The following MPP3 variants were observed in gnomAD, a reference collection of about 807,000 sequenced individuals.
MPP3 encodes MAGUK p55 subfamily member 3.
MPP3 carries 48 observed loss-of-function variants against 80.7 expected under a neutral mutation model. That is an observed-to-expected ratio of 0.59 (90% CI 0.47 to 0.76). The LOEUF (loss-of-function observed/expected upper bound fraction) is 0.76, where lower values mean the gene tolerates loss of function less well. Among genes scored for constraint, MPP3 ranks in the 30% least tolerant of loss-of-function variants. The pLI is 0.00. For synonymous variants in MPP3, 311 were observed against 297.6 expected, an observed-to-expected ratio of 1.04 and a Z score of -0.46; for missense variants, 620 against 763.0, an observed-to-expected ratio of 0.81 and a Z score of 2.21.
chr17:43,809,677 A>C (rs1180091451), intron 18 of MPP3, among the ~76,000 whole-genome samples: 1 of 152,162 alleles, frequency 6.6e-6, no homozygotes, highest in East Asian at 1.9e-4. Flanking sequence ...CAGGAGATCA[A>C]GACCATCCTG....
At chr17:43,828,770 GC>G (rs1206639530) in intron 7 of MPP3, among the ~76,000 whole-genome samples, 1 of 152,204 alleles carries the variant, frequency 6.6e-6, no homozygotes, top group Admixed American at 6.5e-5. Flanking sequence ...AGGACTTCTA[GC>G]CCCCCAGAAC....
intron 2 of MPP3, chr17:43,832,166 T>G (rs1009153410): frequency 1.9e-6 from 1 of 539,008 alleles, no homozygotes; most frequent in Non-Finnish European, 3.2e-6. Flanking sequence ...ATGATAAACT[T>G]TTTGTCTGCA....
intron 10 of MPP3, among the ~76,000 whole-genome samples, chr17:43,821,750 A>G (rs541149906): frequency 6.6e-6 from 1 of 152,030 alleles, no homozygotes; most frequent in Non-Finnish European, 1.5e-5. Flanking sequence ...ATTTATTTCT[A>G]TTTTCAGACC....
At chr17:43,815,624 CA>C in intron 14 of MPP3, 6 of 309,846 alleles carry the variant, frequency 1.9e-5, no homozygotes, top group East Asian at 1.2e-4. Context: ...AACCAAAAAA[CA>C]AAAAAAACTT....
intron 16 of MPP3, 70 bp from the exon 17 acceptor site, chr17:43,811,275 T>C (rs2044846070): frequency 2.4e-6 from 3 of 1,234,628 alleles, no homozygotes; most frequent in Non-Finnish European, 3.6e-6. Context: ...GCAGCAGGCT[T>C]AGGCACTCAT....
intron 5 of MPP3, among the ~76,000 whole-genome samples, chr17:43,830,363 G>A (rs370329620): frequency 2.6e-5 from 4 of 152,178 alleles, no homozygotes; most frequent in East Asian, 1.9e-4. Flanking sequence ...CTGAACCCTC[G>A]CAACCAACTT....
At chr17:43,831,734 C>T (rs1339042056) in intron 3 of MPP3, 57 bp from the exon 4 acceptor site, 5 of 1,472,482 alleles carry the variant, frequency 3.4e-6, no homozygotes, top group South Asian at 2.4e-5. Context: ...TCCCTGCCCC[C>T]GAGGAGCCCG....
chr17:43,826,992 G>A (rs72836549), intron 8 of MPP3, among the ~76,000 whole-genome samples: 1 of 150,540 alleles, frequency 6.6e-6, no homozygotes. Context: ...TGGGCCACCC[G>A]TGCATGGCCT....
In MPP3 at chr17:43,801,831, C is replaced by T. The variant is rs574639263; in HGVS notation, c.1628G>A (p.Arg543Gln). ...GGCGTCTACCAGGTGCCCGTAATGC[C>T]GGTCTATGAAGGCGGCAGAAGCGGC... is the stretch of plus-strand genomic sequence containing the variant. Reference protein sequence around the residue: ...EMAASAAFIDRHYGHLVDAVL... With the variant: ...EMAASAAFIDQHYGHLVDAVL... Residue 543 changes from arginine (R) to glutamine (Q), a missense_variant, in exon 20 of 20, where the codon CGG becomes CAG. Coordinates refer to ENST00000398389, the MANE Select transcript of MPP3 (RefSeq NM_001932.6). 7.7e-5 allele frequency: 124 copies of T among 1,613,926 alleles called. No individual in the cohort carries two copies. In the South Asian group the frequency reaches 8.1e-4, roughly 11 times the overall value.
rs1432965683 is a variant in MPP3, at chr17:43,814,359, C to G, written c.1012G>C (p.Gly338Arg). The G allele has an allele frequency of 1.3e-6, 2 of 1,599,630 alleles. No homozygotes were observed. Among genetic ancestry groups the G allele is most frequent in the Admixed American group, 3.4e-5 (2 of 59,090 alleles). ...CCCAGCCGGAAGCTCCTCCGAAGAC[C>G]AGCTTGGGAGGAGGGGCAGAGGGAC... is the stretch of plus-strand genomic sequence containing the variant. ...EGYLKGHYVA[G>R]LRRSFRLGCR... is the part of the protein sequence containing the mutation. Residue 338 changes from glycine (G) to arginine (R), a missense_variant and splice_region_variant, in exon 15 of 20, where the codon GGT becomes CGT. Gly to Arg is a moderately radical substitution (Grantham distance 125). Coordinates refer to ENST00000398389, the MANE Select transcript of MPP3 (RefSeq NM_001932.6).
chr17:43,803,296 A>G (rs897541247), intron 19 of MPP3, among the ~76,000 whole-genome samples: 1 of 152,204 alleles, frequency 6.6e-6, no homozygotes, highest in Non-Finnish European at 1.5e-5. Context: ...TTTTTGCCAC[A>G]AAGAACCACA....
intron 16 of MPP3, among the ~76,000 whole-genome samples, chr17:43,812,657 CA>C (rs1375001546): frequency 1.3e-5 from 2 of 152,222 alleles, no homozygotes; most frequent in East Asian, 3.8e-4. Context: ...CTGACTCCCC[CA>C]GTTTCTAAAA....
At chr17:43,831,400 G>C (rs1437338570) in intron 4 of MPP3, 79 bp from the exon 5 acceptor site, 2 of 1,483,698 alleles carry the variant, frequency 1.3e-6, no homozygotes, top group African/African-American at 1.4e-5. Flanking sequence ...TGGGGCAGCA[G>C]ACTGGGCCAC....
chr17:43,805,151 T>TTTA (rs780766618), intron 19 of MPP3, among the ~76,000 whole-genome samples: 63 of 152,082 alleles, frequency 4.1e-4, no homozygotes, highest in Non-Finnish European at 6.6e-4. Flanking sequence ...CATTTAAAAA[T>TTTA]GGACAAAGTA....
rs765519390 is a variant in MPP3 at position 43,810,796 on chromosome 17, C to A, written c.1458+11G>T. 1 of 1,580,798 alleles carries A rather than the reference C, an allele frequency of 6.3e-7. No homozygotes were observed. On this transcript the variant is annotated intron_variant, in intron 18 of 19. Transcript: ENST00000398389. Reference sequence around the variant, plus strand: ...GTTAACCAGAAATGGCCAGCAGGCCCAGCAACTCACTTCTGGCTCCACATC... The same window carrying A: ...GTTAACCAGAAATGGCCAGCAGGCCAAGCAACTCACTTCTGGCTCCACATC...
At chr17:43,811,432 C>A (rs911045662) in intron 16 of MPP3, 7 of 536,010 alleles carry the variant, frequency 1.3e-5, no homozygotes, top group South Asian at 4.1e-5. Flanking sequence ...TTTCCTTTTG[C>A]AGCTGAGAAA....
At position 43,820,846 on chromosome 17, in the gene MPP3, C is replaced by T; in HGVS notation, c.881+16G>A. On this transcript the variant is annotated intron_variant, in intron 11 of 19. Transcript: ENST00000398389. ...CCACTCTGGAACCAGCCCTTCACAA[C>T]ATACCCCAGACCCACCTCTCCTGGA... The T allele has an allele frequency of 6.2e-7, 1 of 1,613,538 alleles. No individual in the cohort carries two copies. The highest frequency in any genetic ancestry group is 8.5e-7 in the Non-Finnish European group (1 of 1,179,636).
intron 8 of MPP3, among the ~76,000 whole-genome samples, chr17:43,826,816 T>TTTTATATATA (rs2045717405): frequency 7.2e-6 from 1 of 139,706 alleles, no homozygotes; most frequent in African/African-American, 2.9e-5. Context: ...CCATGACTAT[T>TTTTATATATA]TATATATATA....
intron 2 of MPP3, 144 bp downstream of exon 2, chr17:43,832,616 GA>G (rs1312683819): frequency 1.3e-5 from 2 of 152,752 alleles, no homozygotes; most frequent in East Asian, 3.9e-4. Flanking sequence ...TTAGGAAGAG[GA>G]GAAGGAGAGT....
Sources: gnomAD v4.1 joint callset for allele counts (sites outside exome capture counted in the v4.1 genomes callset) on GRCh38, gnomAD v4.1.1 for gene constraint, MANE v1.5 for transcripts, NCBI Gene and HGNC (gene_info 2026-07-23, HGNC 2026-07-21) for gene names.